The following EPB42 variants were observed in gnomAD, a reference collection of about 807,000 sequenced individuals.
The protein encoded by EPB42 is protein 4.2.
EPB42 carries 49 observed loss-of-function variants against 76.9 expected under a neutral mutation model. The ratio of observed to expected loss-of-function variants is 0.64; its 90% CI spans 0.51 to 0.81. The LOEUF is 0.81. Ranked by LOEUF, EPB42 falls within the 30% of genes least tolerant of loss-of-function variation. EPB42 has a pLI of 0.00. For missense variants in EPB42, 731 were observed against 867.6 expected, an observed-to-expected ratio of 0.84 and a Z score of 1.98; for synonymous variants, 310 against 338.4, an observed-to-expected ratio of 0.92 and a Z score of 0.92.
chr15:43,211,314 T>C, intron 4 of EPB42, 102 bp downstream of exon 4: 1 of 815,522 alleles, frequency 1.2e-6, no homozygotes, highest in Non-Finnish European at 2.2e-6. Flanking sequence ...AGAAATGGTC[T>C]CATGACCAGG....
At chr15:43,209,025 T>C (rs1270855077) in intron 6 of EPB42, among the ~76,000 whole-genome samples, 12 of 152,172 alleles carry the variant, frequency 7.9e-5, no homozygotes, top group Non-Finnish European at 1.6e-4. Context: ...GCGGGGCTGC[T>C]CTGCTAGGGC....
intron 4 of EPB42, 106 bp from the exon 5 acceptor site, chr15:43,210,545 CCTT>C: frequency 9.7e-7 from 1 of 1,031,156 alleles, no homozygotes; most frequent in Non-Finnish European, 1.5e-6. Context: ...ATCATCTCGT[CCTT>C]CTCCCAGACC....
chr15:43,207,117 G>T, intron 9 of EPB42, 82 bp downstream of exon 9: 1 of 1,591,040 alleles, frequency 6.3e-7, no homozygotes, highest in South Asian at 1.1e-5. Flanking sequence ...GTCTCTTTCT[G>T]GCTGCATCTA....
rs1351290072 is a variant in EPB42 at position 43,210,398 on chromosome 15, G to A, written c.591C>T (p.Ser197=). 6.2e-7 allele frequency: 1 copy of A among 1,613,834 alleles called. No individual in the cohort carries two copies. Among genetic ancestry groups the A allele is most frequent in the East Asian group, 2.2e-5 (1 of 44,876 alleles). ...TCCACTTCTCTACCTGCTTGTCCTT[G>A]CTCAGCAAGCGCAGGCTGAGGTCAA... ...DVIDLSLRLL[S]KDKQVEKWSQ... is the part of the protein sequence containing the mutation. Residue 197 remains serine (S), a synonymous_variant, in exon 5 of 13, where the codon AGC becomes AGT. Transcript: ENST00000441366.
rs1328252587 is a variant in EPB42, at chr15:43,207,218, C to T, written c.1299G>A (p.Gln433=). ...CCGTACCTTCAGGATACTTGTAGTT[C>T]TGAGTGATGTCCTCGCAGCGGTCAC... The part of the protein sequence containing the change: ...VGSDRCEDIT[Q]NYKYPEGSLQ... Residue 433 remains glutamine (Q), a synonymous_variant, in exon 9 of 13, where the codon CAG becomes CAA. Transcript: ENST00000441366. 6.2e-7 allele frequency: 1 copy of T among 1,614,052 alleles called. No individual in the cohort carries two copies. Among genetic ancestry groups the T allele is most frequent in the Non-Finnish European group, 8.5e-7 (1 of 1,179,958 alleles).
At chr15:43,203,845 C>A (rs2042162896) in intron 10 of EPB42, among the ~76,000 whole-genome samples, 1 of 152,150 alleles carries the variant, frequency 6.6e-6, no homozygotes, top group Admixed American at 6.5e-5. Context: ...GTTCTTGCCA[C>A]AGAACGTGGT....
At chr15:43,207,722 C>A (rs2042226743) in intron 8 of EPB42, among the ~76,000 whole-genome samples, 1 of 152,264 alleles carries the variant, frequency 6.6e-6, no homozygotes, top group African/African-American at 2.4e-5. Flanking sequence ...GTGAGGAGCT[C>A]TCAAGCCAGC....
chr15:43,207,213 T>C lies in EPB42; in HGVS notation c.1304A>G (p.Tyr435Cys), dbSNP rs1300730414. Reference sequence around the variant, plus strand: ...CTGGCCCGTACCTTCAGGATACTTGTAGTTCTGAGTGATGTCCTCGCAGCG... The same window carrying C: ...CTGGCCCGTACCTTCAGGATACTTGCAGTTCTGAGTGATGTCCTCGCAGCG... ...SDRCEDITQN[Y>C]KYPEGSLQEK... The change falls in exon 9 of 13, where the codon TAC becomes TGC. Residue 435 changes from tyrosine (Y) to cysteine (C), a missense_variant. By Grantham distance (194) the Tyr-to-Cys change is radical. Transcript: ENST00000441366. 1.2e-6 allele frequency: 2 copies of C among 1,614,074 alleles called. No individual in the cohort carries two copies. The highest frequency in any genetic ancestry group is 1.7e-4 in the Middle Eastern group (1 of 6,060).
intron 12 of EPB42, 69 bp from the exon 13 acceptor site, chr15:43,197,533 T>C: frequency 6.3e-7 from 1 of 1,578,724 alleles, no homozygotes; most frequent in Non-Finnish European, 8.7e-7. Context: ...CCAGTGACTT[T>C]GATCCTTCCT....
rs903702329 is a variant in EPB42 at position 43,220,969 on chromosome 15, A to C, written c.-144T>G. 5.6e-6 allele frequency: 4 copies of C among 716,360 alleles called. No individual in the cohort carries two copies. Among genetic ancestry groups the C allele is most frequent in the Middle Eastern group, 3.7e-4 (1 of 2,710 alleles). The allele number at this position is 716,360 out of a possible 1,614,324, so 44.4% of individuals were successfully genotyped here. A position where few individuals can be genotyped will look rare whatever the true frequency, so the allele number is the denominator to read the frequency against. ...TGGCTTAAGAATCTGGAAATAGCAA[A>C]ACCTCCCCCCACTACTCCTGTGAGC... On this transcript the variant is annotated 5_prime_UTR_variant, in exon 1 of 13. Coordinates refer to ENST00000441366, the MANE Select transcript of EPB42 (RefSeq NM_001114134.2).
At chr15:43,215,074 C>T in intron 3 of EPB42, 21 bp downstream of exon 3, 1 of 1,605,952 alleles carries the variant, frequency 6.2e-7, no homozygotes, top group Non-Finnish European at 8.5e-7. Flanking sequence ...GCAGCCCAGG[C>T]TGGCCCAGGT....
chr15:43,220,768 G>A (rs770897105), intron 1 of EPB42, 48 bp downstream of exon 1: 15 of 1,613,204 alleles, frequency 9.3e-6, no homozygotes, highest in Non-Finnish European at 1.2e-5. Context: ...GATGCTGCGG[G>A]GGCTGCATAC....
intron 2 of EPB42, among the ~76,000 whole-genome samples, chr15:43,216,039 G>A (rs1177969644): frequency 1.3e-5 from 2 of 152,236 alleles, no homozygotes; most frequent in Non-Finnish European, 2.9e-5. Context: ...CAACTGAAAA[G>A]AAGCTCTTGG....
At chr15:43,202,964 CTA>C (rs2042148263) in intron 11 of EPB42, 149 bp downstream of exon 11, 9 of 1,004,360 alleles carry the variant, frequency 9.0e-6, no homozygotes, top group East Asian at 7.3e-5. Context: ...ATGTAAGAAA[CTA>C]TGTCTTTCAA....
chr15:43,223,272 T>G (rs1317982395), upstream of EPB42, among the ~76,000 whole-genome samples: 1 of 152,130 alleles, frequency 6.6e-6, no homozygotes, highest in African/African-American at 2.4e-5. Context: ...GAGCTGAAAC[T>G]GGGCCACTGT....
intron 6 of EPB42, among the ~76,000 whole-genome samples, chr15:43,208,992 A>C (rs1457504130): frequency 6.6e-6 from 1 of 152,222 alleles, no homozygotes; most frequent in Non-Finnish European, 1.5e-5. Flanking sequence ...GGGAGAAGGC[A>C]ACAGAGCATA....
intron 2 of EPB42, 71 bp from the exon 3 acceptor site, chr15:43,215,399 A>G (rs956221441): frequency 1.3e-6 from 2 of 1,502,664 alleles, no homozygotes; most frequent in Non-Finnish European, 1.9e-6. Context: ...AGGTCAGGGT[A>G]TTACAAAGAT....
At chr15:43,212,597 C>T (rs995525240) in intron 3 of EPB42, among the ~76,000 whole-genome samples, 1 of 152,112 alleles carries the variant, frequency 6.6e-6, no homozygotes, top group African/African-American at 2.4e-5. Context: ...TTTGGCAAAA[C>T]AGGGTTGGAG....
At position 43,207,569 on chromosome 15, in the gene EPB42, C is replaced by T. The variant is rs938671562; in HGVS notation, c.1076-128G>A. 1.4e-5 allele frequency: 20 copies of T among 1,442,668 alleles called. No homozygotes were observed. The Admixed American group carries it at 3.5e-4, about 26-fold the overall frequency. 89.4% of individuals were successfully genotyped at this position (1,442,668 alleles called of 1,614,324 possible). ...CACGAGGACCAAGGTCAGAGGTGAG[C>T]ACTAGGCAGGGTTTCTGAGAGAGTC... On this transcript the variant is annotated intron_variant, in intron 8 of 12. Coordinates refer to ENST00000441366, the MANE Select transcript of EPB42 (RefSeq NM_001114134.2).
Sources: allele counts gnomAD v4.1 joint callset (sites outside exome capture counted in the v4.1 genomes callset), GRCh38; gene constraint gnomAD v4.1.1; transcripts MANE v1.5; gene names NCBI Gene and HGNC (gene_info 2026-07-23, HGNC 2026-07-21).